TUBB3: variants seen among roughly 807,000 people sequenced by gnomAD.
The protein encoded by TUBB3 is tubulin beta-3 chain.
In TUBB3, 17 loss-of-function variants were observed where a neutral mutation model predicts 37.8. That is an observed-to-expected ratio of 0.45 (90% CI 0.31 to 0.67). TUBB3 has a LOEUF of 0.67. Ranked by LOEUF, TUBB3 falls within the 30% of genes least tolerant of loss-of-function variation. The pLI is 0.07. For missense variants in TUBB3, 262 were observed against 657.9 expected (o/e 0.40, Z 6.58); for synonymous variants, 332 against 278.9 (o/e 1.19, Z -1.90).
chr16:89,927,326 A>G (rs1158904169), intron 1 of TUBB3, among the ~76,000 whole-genome samples: 1 of 152,106 alleles, frequency 6.6e-6, no homozygotes, highest in African/African-American at 2.4e-5. Flanking sequence ...CAGAGGTTAA[A>G]GTGAGCTGAG....
chr16:89,926,633 G>T (rs895480533), intron 1 of TUBB3, among the ~76,000 whole-genome samples: 1 of 152,250 alleles, frequency 6.6e-6, no homozygotes. Flanking sequence ...GCGTCCAGAG[G>T]CGCGATCTCG....
intron 1 of TUBB3, among the ~76,000 whole-genome samples, chr16:89,924,593 C>T (rs1439393441): frequency 2.0e-5 from 3 of 152,018 alleles, no homozygotes; most frequent in Non-Finnish European, 2.9e-5. Context: ...GAAAGGCAGC[C>T]TCCGGAGGCT....
intron 1 of TUBB3, chr16:89,931,774 C>T (rs539902298): frequency 2.0e-5 from 6 of 305,834 alleles, no homozygotes; most frequent in African/African-American, 1.3e-4. Flanking sequence ...GCAGGCCCAG[C>T]CCCTGAGTCT....
In TUBB3 at chr16:89,932,651, G is replaced by C. The variant is rs750682582; in HGVS notation, c.138G>C (p.Arg46=). Residue 46 remains arginine, a synonymous_variant, in exon 2 of 4, where the codon CGG becomes CGC. Transcript: ENST00000315491. ...GCGACTCGGACTTGCAGCTGGAGCG[G>C]ATCAGCGTCTACTACAACGAGGCCT... ...YVGDSDLQLE[R]ISVYYNEASS... The C allele has an allele frequency of 1.9e-6, 3 of 1,614,094 alleles. No homozygotes were observed. The highest frequency in any genetic ancestry group is 2.5e-6 in the Non-Finnish European group (3 of 1,180,032).
intron 1 of TUBB3, among the ~76,000 whole-genome samples, chr16:89,927,376 C>T (rs2030124080): frequency 6.7e-6 from 1 of 150,000 alleles, no homozygotes; most frequent in African/African-American, 2.5e-5. Flanking sequence ...TAGAGCAAGA[C>T]CCTATCTAAA....
At position 89,932,518 on chromosome 16, in the gene TUBB3, C is replaced by T. The variant is rs112906804; in HGVS notation, c.58-53C>T. ...TAAAAGGCTTCACAAGGGAAAGGGC[C>T]TGGCTGGGGCTATGGGCCGGTGCCG... is the stretch of plus-strand genomic sequence containing the variant. On this transcript the variant is annotated intron_variant, in intron 1 of 3. Coordinates refer to ENST00000315491, the MANE Select transcript of TUBB3 (RefSeq NM_006086.4). 619 of 1,493,958 alleles carry T rather than the reference C, an allele frequency of 4.1e-4. 2 individuals are homozygous for T. In the African/African-American group the frequency reaches 8.1e-3, roughly 20 times the overall value. The allele number at this position is 1,493,958 out of a possible 1,614,324, so 92.5% of individuals were successfully genotyped here. A position where few individuals can be genotyped will look rare whatever the true frequency, so the allele number is the denominator to read the frequency against.
chr16:89,924,874 G>T (rs1344233346), intron 1 of TUBB3, among the ~76,000 whole-genome samples: 1 of 151,972 alleles, frequency 6.6e-6, no homozygotes, highest in Non-Finnish European at 1.5e-5. Flanking sequence ...AGGGGCTGAG[G>T]GCTCATTAAT....
At chr16:89,926,681 G>A (rs2030098794) in intron 1 of TUBB3, among the ~76,000 whole-genome samples, 1 of 151,974 alleles carries the variant, frequency 6.6e-6, no homozygotes, top group Non-Finnish European at 1.5e-5. Flanking sequence ...AGCTGGGACC[G>A]CAGGCGCTCA....
chr16:89,925,296 T>C (rs1291986284), intron 1 of TUBB3, among the ~76,000 whole-genome samples: 12 of 152,100 alleles, frequency 7.9e-5, no homozygotes, highest in African/African-American at 2.9e-4. Context: ...TTTTTAAAAA[T>C]TAATACCTGG....
At chr16:89,924,058 G>T (rs913791317) in intron 1 of TUBB3, among the ~76,000 whole-genome samples, 2 of 152,204 alleles carry the variant, frequency 1.3e-5, no homozygotes, top group South Asian at 2.1e-4. Context: ...GCTCTCCATC[G>T]GCGCAGCCGC....
In TUBB3 at chr16:89,935,830, C is replaced by G; in HGVS notation, c.*26C>G. 6.2e-7 allele frequency: 1 copy of G among 1,604,734 alleles called. No individual in the cohort carries two copies. On this transcript the variant is annotated 3_prime_UTR_variant, in exon 4 of 4. Coordinates refer to ENST00000315491, the MANE Select transcript of TUBB3 (RefSeq NM_006086.4). Reference sequence around the variant, plus strand: ...AGCTGCTCGCAGCTGGAGTGAGAGGCAGGTGGCGGCCGGGGCCGAAGCCAG... The same window carrying G: ...AGCTGCTCGCAGCTGGAGTGAGAGGGAGGTGGCGGCCGGGGCCGAAGCCAG...
At chr16:89,932,471 G>C (rs1193842022) in intron 1 of TUBB3, 100 bp from the exon 2 acceptor site, 12 of 971,160 alleles carry the variant, frequency 1.2e-5, no homozygotes, top group Admixed American at 1.8e-5. Flanking sequence ...TGGGTCAAAA[G>C]CCCTAATTTT....
At chr16:89,934,580 G>A in intron 3 of TUBB3, 149 bp from the exon 4 acceptor site, 1 of 789,336 alleles carries the variant, frequency 1.3e-6, no homozygotes, top group Non-Finnish European at 2.1e-6. Context: ...CGGCGGGTAT[G>A]AGAAGGGGTG....
Position 89,935,812 on chromosome 16 carries a change from C to T in TUBB3, c.*8C>T, listed in dbSNP as rs750387888. On this transcript the variant is annotated 3_prime_UTR_variant, in exon 4 of 4. Transcript: ENST00000315491. ...GCCCAGGGCCCCAAGTGAAGCTGCT[C>T]GCAGCTGGAGTGAGAGGCAGGTGGC... is the stretch of plus-strand genomic sequence containing the variant. The T allele has an allele frequency of 2.4e-5, 39 of 1,611,242 alleles. 1 individual carries two copies. The South Asian group carries it at 2.9e-4, about 12-fold the overall frequency.
At chr16:89,927,138 G>A (rs1257443928) in intron 1 of TUBB3, among the ~76,000 whole-genome samples, 1 of 151,986 alleles carries the variant, frequency 6.6e-6, no homozygotes, top group Non-Finnish European at 1.5e-5. Flanking sequence ...ACTTTGGGAG[G>A]CCGAGGTGGG....
intron 1 of TUBB3, among the ~76,000 whole-genome samples, chr16:89,930,642 G>A (rs1222076911): frequency 6.6e-6 from 1 of 151,740 alleles, no homozygotes; most frequent in African/African-American, 2.4e-5. Context: ...CCGGTGATCT[G>A]CCCACCTCAG....
rs550985703 is a variant in TUBB3, at chr16:89,933,260, G to A, written c.167-208G>A. 138 of 703,366 alleles carry A rather than the reference G, an allele frequency of 2.0e-4. No individual in the cohort carries two copies. The East Asian group carries it at 2.2e-3, about 11-fold the overall frequency. The allele number at this position is 703,366 out of a possible 1,614,324, so 43.6% of individuals were successfully genotyped here. ...GACTGAATCCTGCCTGTCCTGCTCCGTCCTGTCCTGCTCCGTCCTTAAACA... is the reference window on the plus strand; with the variant it reads ...GACTGAATCCTGCCTGTCCTGCTCCATCCTGTCCTGCTCCGTCCTTAAACA... On this transcript the variant is annotated intron_variant, in intron 2 of 3. Transcript: ENST00000315491.
rs559133379 is a variant in TUBB3 at position 89,935,783 on chromosome 16, G to A, written c.1332G>A (p.Ser444=). ...GEMYEDDEEE[S]EAQGPK The stretch of plus-strand genomic sequence containing the variant: ...TGTACGAAGACGACGAGGAGGAGTC[G>A]GAGGCCCAGGGCCCCAAGTGAAGCT... The change falls in exon 4 of 4, where the codon TCG becomes TCA. Residue 444 remains serine (S), a synonymous_variant. Coordinates refer to ENST00000315491, the MANE Select transcript of TUBB3 (RefSeq NM_006086.4). 6.8e-6 allele frequency: 11 copies of A among 1,613,520 alleles called. No homozygotes were observed. Among genetic ancestry groups the A allele is most frequent in the Admixed American group, 6.7e-5 (4 of 60,010 alleles).
chr16:89,926,208 G>A (rs1260999021), intron 1 of TUBB3, among the ~76,000 whole-genome samples: 1 of 152,140 alleles, frequency 6.6e-6, no homozygotes, highest in Non-Finnish European at 1.5e-5. Context: ...GGCGGAGGGG[G>A]GAGCCTTTGT....
Sources: gnomAD v4.1 joint callset for allele counts (sites outside exome capture counted in the v4.1 genomes callset) on GRCh38, gnomAD v4.1.1 for gene constraint, MANE v1.5 for transcripts, NCBI Gene and HGNC (gene_info 2026-07-23, HGNC 2026-07-21) for gene names.